Variants in CFLAR observed in about 807,000 individuals in gnomAD.
The protein encoded by CFLAR is CASP8 and FADD like apoptosis regulator, also known as CASP8 and FADD-like apoptosis regulator.
A neutral mutation model predicts 51.1 loss-of-function variants in CFLAR; 14 were observed. The ratio of observed to expected loss-of-function variants is 0.27; its 90% CI spans 0.18 to 0.43. The LOEUF is 0.43. Ranked by LOEUF, CFLAR falls within the 20% of genes least tolerant of loss-of-function variation. CFLAR has a pLI of 1.00. For missense variants in CFLAR, 390 were observed against 566.5 expected (o/e 0.69, Z 3.16); for synonymous variants, 210 against 211.6 (o/e 0.99, Z 0.06).
chr2:201,167,823 AGAATCACTG>A lies in CFLAR; in HGVS notation c.*3860_*3868del, dbSNP rs1309885073. 4 of 152,308 alleles carry A rather than the reference AGAATCACTG, an allele frequency of 2.6e-5. No individual in the cohort carries two copies. Among genetic ancestry groups the A allele is most frequent in the Non-Finnish European group, 5.9e-5 (4 of 68,072 alleles). 9.4% of individuals were successfully genotyped at this position (152,308 alleles called of 1,614,324 possible). A position where few individuals can be genotyped will look rare whatever the true frequency, so the allele number is the denominator to read the frequency against. ...TTGTTGGATGAGGGCACGAAGGAGC[AGAATCACTG>A]GAATCACTGTGTCAGCCCTAATTAC... On this transcript the variant is annotated 3_prime_UTR_variant, in exon 10 of 10. Transcript: ENST00000309955.
chr2:201,135,824 A>T, intron 3 of CFLAR, 148 bp from the exon 4 acceptor site: 1 of 1,014,414 alleles, frequency 9.9e-7, no homozygotes, highest in Non-Finnish European at 1.4e-6. Flanking sequence ...TGGGGGTCTC[A>T]CTATTTTGCT....
At chr2:201,149,236 C>T (rs1940832121) in intron 7 of CFLAR, 184 bp downstream of exon 7, 3 of 504,846 alleles carry the variant, frequency 5.9e-6, no homozygotes, top group Admixed American at 6.6e-5. Context: ...AAGTGGATTG[C>T]ATTAGTGAAC....
intron 7 of CFLAR, 90 bp downstream of exon 7, chr2:201,149,142 T>C: frequency 2.4e-6 from 2 of 845,296 alleles, no homozygotes; most frequent in Admixed American, 3.8e-5. Flanking sequence ...TTAAGAATTC[T>C]TTGAGACAGT....
rs1184304901 is a variant in CFLAR at position 201,169,656 on chromosome 2, G to C, written c.*5683G>C. The C allele has an allele frequency of 6.6e-6, 1 of 152,172 alleles. No homozygotes were observed. Among genetic ancestry groups the C allele is most frequent in the Non-Finnish European group, 1.5e-5 (1 of 68,038 alleles). The allele number at this position is 152,172 out of a possible 1,614,324, so 9.4% of individuals were successfully genotyped here. On this transcript the variant is annotated 3_prime_UTR_variant, in exon 10 of 10. Coordinates refer to ENST00000309955, the MANE Select transcript of CFLAR (RefSeq NM_003879.7). ...TGCACAGCAAAAGAAACTATCATTA[G>C]AGTGAACAGGCAACCTACAGAATGG...
Position 201,167,196 on chromosome 2 carries a change from CA to C in CFLAR, c.*3225del, listed in dbSNP as rs2125975722. On this transcript the variant is annotated 3_prime_UTR_variant, in exon 10 of 10. Transcript: ENST00000309955. ...AGAGACAGTTTTCAGGAACAACAAG[CA>C]ATTATTCCTACTTTCCAAGTTATTT... is the stretch of plus-strand genomic sequence containing the variant. 1 of 152,178 alleles carries C rather than the reference CA, an allele frequency of 6.6e-6. No homozygotes were observed. Among genetic ancestry groups the C allele is most frequent in the South Asian group, 2.1e-4 (1 of 4,818 alleles). The allele number at this position is 152,178 out of a possible 1,614,324, so 9.4% of individuals were successfully genotyped here.
rs1263504011 is a variant in CFLAR, at chr2:201,138,115, A to G, written c.523+2008A>G. The G allele has an allele frequency of 2.6e-6, 2 of 763,886 alleles. No homozygotes were observed. Among genetic ancestry groups the G allele is most frequent in the Non-Finnish European group, 4.8e-6 (2 of 413,008 alleles). 47.3% of individuals were successfully genotyped at this position (763,886 alleles called of 1,614,324 possible). On this transcript the variant is annotated intron_variant, in intron 4 of 9. Transcript: ENST00000309955. The surrounding 1 kb of genome is among the most constrained non-coding windows in gnomAD (Gnocchi z 4.0). ...TGCCCCTGCCCAGCCCATCCACACC[A>G]GCGTCAATCAGGTTGTTGGCCTGGG... is the stretch of plus-strand genomic sequence containing the variant.
rs2047829618 is a variant in CFLAR at position 201,118,417 on chromosome 2, A to G, written c.-138+1936A>G. The G allele has an allele frequency of 6.6e-6, 1 of 152,154 alleles. No individual in the cohort carries two copies. Among genetic ancestry groups the G allele is most frequent in the African/African-American group, 2.4e-5 (1 of 41,440 alleles). The allele number at this position is 152,154 out of a possible 1,614,324, so 9.4% of individuals were successfully genotyped here. ...GGACCTCCAGGAAGCTGAAGCGGAA[A>G]TTGCCTAGGCCCCTGGGGCATTGGA... On this transcript the variant is annotated intron_variant, in intron 1 of 9. Coordinates refer to ENST00000309955, the MANE Select transcript of CFLAR (RefSeq NM_003879.7). This position sits in a 1 kb window ranked among gnomAD's most constrained non-coding sequence, Gnocchi z 5.1.
intron 5 of CFLAR, among the ~76,000 whole-genome samples, chr2:201,142,340 C>T (rs1227976818): frequency 6.6e-6 from 1 of 151,544 alleles, no homozygotes; most frequent in Non-Finnish European, 1.5e-5. Flanking sequence ...AATGAAAACC[C>T]ACTCTTGTAA....
At chr2:201,163,022 C>T (rs566018038) in intron 9 of CFLAR, 11 of 756,374 alleles carry the variant, frequency 1.5e-5, no homozygotes, top group South Asian at 1.4e-4. Flanking sequence ...AGTGGAATTA[C>T]AGAGTCAAAG....
At position 201,163,731 on chromosome 2, in the gene CFLAR, C is replaced by G. The variant is rs1395251124; in HGVS notation, c.1305-104C>G. 3 of 1,510,218 alleles carry G rather than the reference C, an allele frequency of 2.0e-6. No individual in the cohort carries two copies. The African/African-American group carries it at 4.2e-5, about 21-fold the overall frequency. The allele number at this position is 1,510,218 out of a possible 1,614,324, so 93.6% of individuals were successfully genotyped here. A position where few individuals can be genotyped will look rare whatever the true frequency, so the allele number is the denominator to read the frequency against. ...AGCTTGTGGTGCCTTCAGAAAGGAA[C>G]AGTTTCAAAGAACTTTCACATCTGT... is the stretch of plus-strand genomic sequence containing the variant. On this transcript the variant is annotated intron_variant, in intron 9 of 9. Transcript: ENST00000309955.
chr2:201,174,774 C>T lies in CFLAR; in HGVS notation c.*10801C>T, dbSNP rs1944144065. On this transcript the variant is annotated 3_prime_UTR_variant, in exon 10 of 10. Transcript: ENST00000309955. Reference sequence around the variant, plus strand: ...ACTTGCAAATTTATGTAAAAAGGGCCTCTGGAATTTTGATAGTGATTACAC... The same window carrying T: ...ACTTGCAAATTTATGTAAAAAGGGCTTCTGGAATTTTGATAGTGATTACAC... 1 of 152,088 alleles carries T rather than the reference C, an allele frequency of 6.6e-6. No individual in the cohort carries two copies. The highest frequency in any genetic ancestry group is 1.5e-5 in the Non-Finnish European group (1 of 68,042). The allele number at this position is 152,088 out of a possible 1,614,324, so 9.4% of individuals were successfully genotyped here. A position where few individuals can be genotyped will look rare whatever the true frequency, so the allele number is the denominator to read the frequency against.
intron 1 of CFLAR, among the ~76,000 whole-genome samples, chr2:201,127,034 G>T (rs1193867433): frequency 6.6e-6 from 1 of 152,172 alleles, no homozygotes. Context: ...CATTAAATTA[G>T]AATATGCCTG....
At position 201,166,777 on chromosome 2, in the gene CFLAR, C is replaced by A; in HGVS notation, c.*2804C>A. On this transcript the variant is annotated 3_prime_UTR_variant, in exon 10 of 10. Transcript: ENST00000309955. ...GTCAGGAGCTGGAGACCAGCCCGGC[C>A]AACACAGTGAAACCCTGTCTCCACC... 6.2e-6 allele frequency: 1 copy of A among 161,620 alleles called. No individual in the cohort carries two copies. The highest frequency in any genetic ancestry group is 1.3e-5 in the Non-Finnish European group (1 of 74,184). The allele number at this position is 161,620 out of a possible 1,614,324, so 10.0% of individuals were successfully genotyped here.
intron 1 of CFLAR, among the ~76,000 whole-genome samples, chr2:201,127,254 G>A (rs1430501147): frequency 1.3e-5 from 2 of 152,190 alleles, no homozygotes; most frequent in Non-Finnish European, 2.9e-5. Context: ...ATCTGAGTAA[G>A]GTGAAAGCAA....
At chr2:201,154,647 T>TC (rs1297309149) in intron 8 of CFLAR, 1 of 152,254 alleles carries the variant, frequency 6.6e-6, no homozygotes, top group Non-Finnish European at 1.5e-5. Context: ...GCTCTCCCAG[T>TC]GTCAGTGTGT....
intron 6 of CFLAR, chr2:201,146,337 G>C (rs1940165095): frequency 1.3e-5 from 2 of 152,126 alleles, no homozygotes; most frequent in South Asian, 4.1e-4. Context: ...AGTAGAGATG[G>C]GGTTTCATTC....
At chr2:201,137,764 C>T (rs1432055822) in intron 4 of CFLAR, 15 of 960,378 alleles carry the variant, frequency 1.6e-5, no homozygotes, top group South Asian at 5.1e-5. Context: ...TTATCCCCGT[C>T]GTTGAAGTAT....
rs771361555 is a variant in CFLAR, at chr2:201,130,353, C to CTTT, written c.281+231_281+233dup. Among the ~76,000 whole-genome samples the CTTT allele has an allele frequency of 1.4e-3, 131 of 92,284 alleles. 3 individuals are homozygous for CTTT. The highest frequency in any genetic ancestry group is 2.1e-3 in the African/African-American group (44 of 20,750). The allele number at this position is 92,284 out of a possible 152,430, so 60.5% of individuals were successfully genotyped here. A position where few individuals can be genotyped will look rare whatever the true frequency, so the allele number is the denominator to read the frequency against. On this transcript the variant is annotated intron_variant, in intron 2 of 9. Transcript: ENST00000309955. ...TTTCTTGCTTTCTTTTTCTTTCTTT[C>CTTT]TTTTTTTTTTTTTTTTTTTTTTTTT...
At position 201,160,421 on chromosome 2, in the gene CFLAR, GT is replaced by G; in HGVS notation, c.794-7del. The G allele has an allele frequency of 6.2e-7, 1 of 1,604,950 alleles. No homozygotes were observed. ...GTGTTGTTTTCCGTGTTTGTTTTTT[GT>G]TTTCCCCAGAGCTTCTTCGAGACAC... is the stretch of plus-strand genomic sequence containing the variant. On this transcript the variant is annotated splice_polypyrimidine_tract_variant and intron_variant, in intron 8 of 9. Coordinates refer to ENST00000309955, the MANE Select transcript of CFLAR (RefSeq NM_003879.7).
Sources: allele counts gnomAD v4.1 joint callset (sites outside exome capture counted in the v4.1 genomes callset), GRCh38; gene constraint gnomAD v4.1.1; non-coding constraint Gnocchi (gnomAD v3.1); transcripts MANE v1.5; gene names NCBI Gene and HGNC (gene_info 2026-07-23, HGNC 2026-07-21).